The following ARMC8 variants were observed in gnomAD, a reference collection of about 807,000 sequenced individuals.
ARMC8 encodes armadillo repeat containing 8.
Under a neutral mutation model 99.3 loss-of-function variants are expected in ARMC8, and 20 were observed. The ratio of observed to expected loss-of-function variants is 0.20; its 90% CI spans 0.14 to 0.29. The LOEUF (loss-of-function observed/expected upper bound fraction) is 0.29. ARMC8 is among the 10% of genes least tolerant of loss of function. The pLI, the probability that ARMC8 is intolerant of heterozygous loss-of-function variation, is 1.00. For synonymous variants in ARMC8, 263 were observed against 278.3 expected (o/e 0.95, Z 0.55); for missense variants, 569 against 809.5 (o/e 0.70, Z 3.60).
At chr3:138,240,252 A>T (rs1217929153) in intron 10 of ARMC8, among the ~76,000 whole-genome samples, 1 of 152,200 alleles carries the variant, frequency 6.6e-6, no homozygotes, top group Non-Finnish European at 1.5e-5. Flanking sequence ...TAAATTGATG[A>T]TGTGTCATTT....
Position 138,187,541 on chromosome 3 carries a change from TG to T in ARMC8, c.-11del, listed in dbSNP as rs1312206833. ...CGCGCCGGCGCCTGCAGCAGCCGGG[TG>T]GGAAGGCTCAAGATGGCGTGCTTGT... is the stretch of plus-strand genomic sequence containing the variant. On this transcript the variant is annotated 5_prime_UTR_variant, in exon 1 of 22. Transcript: ENST00000469044. 15 of 1,535,452 alleles carry T rather than the reference TG, an allele frequency of 9.8e-6. No individual in the cohort carries two copies. The Admixed American group carries it at 2.9e-4, about 30-fold the overall frequency.
At chr3:138,205,463 C>G (rs1276052796) in intron 1 of ARMC8, among the ~76,000 whole-genome samples, 1 of 152,196 alleles carries the variant, frequency 6.6e-6, no homozygotes, top group South Asian at 2.1e-4. Flanking sequence ...CAGCACTTAC[C>G]TGGAATCTGA....
intron 11 of ARMC8, among the ~76,000 whole-genome samples, chr3:138,244,409 C>T (rs2046784146): frequency 6.6e-6 from 1 of 152,130 alleles, no homozygotes; most frequent in South Asian, 2.1e-4. Flanking sequence ...TCCCAAGTAG[C>T]TGGGACTACA....
Position 138,272,960 on chromosome 3 carries a change from C to A in ARMC8, c.1480-7C>A. ...CATGATTCTTGCAACTTCTTTAATC[C>A]TTTCAGAATATGGCATTTCAGGCTG... On this transcript the variant is annotated splice_polypyrimidine_tract_variant and splice_region_variant and intron_variant, in intron 16 of 21. Transcript: ENST00000469044. 2 of 1,558,740 alleles carry A rather than the reference C, an allele frequency of 1.3e-6. No individual in the cohort carries two copies. Among genetic ancestry groups the A allele is most frequent in the Admixed American group, 4.0e-5 (2 of 49,602 alleles).
chr3:138,220,996 GT>G (rs762281551), intron 2 of ARMC8, among the ~76,000 whole-genome samples: 1 of 152,042 alleles, frequency 6.6e-6, no homozygotes, highest in East Asian at 1.9e-4. Flanking sequence ...GGCCAGGGAA[GT>G]TTTTTTAAAC....
intron 5 of ARMC8, 186 bp from the exon 6 acceptor site, chr3:138,228,728 CTCTT>C (rs1457902225): frequency 1.8e-6 from 1 of 557,424 alleles, no homozygotes; most frequent in Non-Finnish European, 3.4e-6. Flanking sequence ...ATATTGAAGC[CTCTT>C]TCTTTGTCAT....
At chr3:138,189,057 C>T (rs1185113741) in intron 1 of ARMC8, among the ~76,000 whole-genome samples, 4 of 152,042 alleles carry the variant, frequency 2.6e-5, no homozygotes, top group African/African-American at 9.7e-5. Context: ...CTCAGTTCTC[C>T]TTTAATTATT....
intron 2 of ARMC8, among the ~76,000 whole-genome samples, chr3:138,216,031 A>G (rs1051776220): frequency 6.9e-6 from 1 of 145,188 alleles, no homozygotes; most frequent in Admixed American, 6.9e-5. Context: ...ACTGCATGCC[A>G]CCATGCCCAG....
intron 12 of ARMC8, among the ~76,000 whole-genome samples, chr3:138,254,983 A>T (rs1284292259): frequency 6.6e-6 from 1 of 152,094 alleles, no homozygotes; most frequent in Non-Finnish European, 1.5e-5. Flanking sequence ...TTCTACCCCT[A>T]AAGTGAAGTG....
intron 6 of ARMC8, among the ~76,000 whole-genome samples, chr3:138,231,733 C>T (rs2046042117): frequency 6.6e-6 from 1 of 151,360 alleles, no homozygotes; most frequent in Non-Finnish European, 1.5e-5. Context: ...CCCTTGAGCT[C>T]AGAAGTTCAA....
chr3:138,294,733 C>T (rs1323166054), intron 21 of ARMC8, among the ~76,000 whole-genome samples: 3 of 152,074 alleles, frequency 2.0e-5, no homozygotes, highest in Non-Finnish European at 2.9e-5. Context: ...CTAACTCCCA[C>T]GATTACAGCC....
chr3:138,231,992 A>G (rs1362966011), intron 6 of ARMC8, among the ~76,000 whole-genome samples: 2 of 58,502 alleles, frequency 3.4e-5, no homozygotes, highest in Non-Finnish European at 2.9e-5. Flanking sequence ...TTTTTTTGAG[A>G]TGGAGTCTCG....
At position 138,237,359 on chromosome 3, in the gene ARMC8, C is replaced by G. The variant is rs2046384580; in HGVS notation, c.660C>G (p.Pro220=). 2 of 1,613,562 alleles carry G rather than the reference C, an allele frequency of 1.2e-6. No individual in the cohort carries two copies. Among genetic ancestry groups the G allele is most frequent in the African/African-American group, 1.3e-5 (1 of 74,890 alleles). Residue 220 remains proline (P), a synonymous_variant, in exon 8 of 22, where the codon CCC becomes CCG. Transcript: ENST00000469044. ...KCFSVLAFEN[P]QVSMTLVNVL... The stretch of plus-strand genomic sequence containing the variant: ...TCTCAGTTTTAGCTTTTGAAAACCC[C>G]CAGGTATCGATGACCCTGGTAAATG...
chr3:138,218,214 T>C (rs763450699), intron 2 of ARMC8, among the ~76,000 whole-genome samples: 5 of 151,684 alleles, frequency 3.3e-5, no homozygotes, highest in African/African-American at 4.9e-5. Flanking sequence ...AGCATAGGGG[T>C]CTGGAGATCA....
At chr3:138,210,825 G>T (rs1254259561) in intron 2 of ARMC8, among the ~76,000 whole-genome samples, 1 of 152,008 alleles carries the variant, frequency 6.6e-6, no homozygotes, top group African/African-American at 2.4e-5. Flanking sequence ...CAAAGGCATT[G>T]TAGGCTTTGG....
chr3:138,209,959 A>G, intron 2 of ARMC8, 66 bp downstream of exon 2: 1 of 1,283,134 alleles, frequency 7.8e-7, no homozygotes, highest in African/African-American at 1.5e-5. Flanking sequence ...TCTGCCACAT[A>G]TTTTAATTTT....
At chr3:138,285,952 CTTT>C (rs2050365486) in intron 19 of ARMC8, among the ~76,000 whole-genome samples, 1 of 152,018 alleles carries the variant, frequency 6.6e-6, no homozygotes, top group Non-Finnish European at 1.5e-5. Flanking sequence ...AGCCAAACTT[CTTT>C]TTATTTTGAG....
intron 7 of ARMC8, 125 bp from the exon 8 acceptor site, chr3:138,237,184 C>A (rs145266329): frequency 5.5e-5 from 43 of 779,826 alleles, no homozygotes; most frequent in Non-Finnish European, 8.7e-5. Context: ...ATTGTTATTT[C>A]TTTGAGGCCT....
chr3:138,262,623 C>G (rs1560008413), intron 12 of ARMC8: 1 of 1,547,438 alleles, frequency 6.5e-7, no homozygotes, highest in African/African-American at 1.4e-5. Flanking sequence ...ATTTAGGTGC[C>G]TAGCCCTGAC....
Sources: allele counts gnomAD v4.1 joint callset (sites outside exome capture counted in the v4.1 genomes callset), GRCh38; gene constraint gnomAD v4.1.1; transcripts MANE v1.5; gene names NCBI Gene and HGNC (gene_info 2026-07-23, HGNC 2026-07-21).